Variants in TNRC6B observed in about 807,000 individuals in gnomAD.
TNRC6B encodes trinucleotide repeat-containing gene 6B protein.
In TNRC6B, 52 loss-of-function variants were observed where a neutral mutation model predicts 203.6. The ratio of observed to expected loss-of-function variants is 0.26; its 90% CI spans 0.20 to 0.32. The LOEUF is 0.32. Ranked by LOEUF, TNRC6B falls within the 10% of genes least tolerant of loss-of-function variation. The pLI is 1.00. For missense variants in TNRC6B, 1,923 were observed against 2,286.2 expected (o/e 0.84, Z 3.24); for synonymous variants, 838 against 845.7 (o/e 0.99, Z 0.16).
rs898592073 is a variant in TNRC6B, at chr22:40,150,236, G to A, written c.46-5879G>A. ...ACTAAAAAATACAAAAAATTAGCCA[G>A]GCGTGGTCGTGGGCGCCTGTAGTCC... On this transcript the variant is annotated intron_variant, in intron 3 of 23. Transcript: ENST00000301923. Among the ~76,000 whole-genome samples, 7 of 152,134 alleles carry A rather than the reference G, an allele frequency of 4.6e-5. No homozygotes were observed. The South Asian group carries it at 8.3e-4, about 18-fold the overall frequency.
At chr22:40,254,252 C>T (rs550129567) in intron 3 of TNRC6B, among the ~76,000 whole-genome samples, 1 of 152,248 alleles carries the variant, frequency 6.6e-6, no homozygotes, top group South Asian at 2.1e-4. Context: ...TTGATGTAAT[C>T]GTTCAGATTT....
Position 40,311,046 on chromosome 22 carries a change from G to A in TNRC6B, c.4435+53G>A, listed in dbSNP as rs941532449. On this transcript the variant is annotated intron_variant, in intron 17 of 22. Coordinates refer to ENST00000454349, the MANE Select transcript of TNRC6B (RefSeq NM_001162501.2). ...GATAGCATTTGTTTTGTAATTGTCA[G>A]TTTCAGGTTCAGAATACATTGCTTT... 2.5e-5 allele frequency: 38 copies of A among 1,540,400 alleles called. No homozygotes were observed. The Admixed American group carries it at 5.5e-4, about 22-fold the overall frequency.
At chr22:40,105,112 T>C (rs2068271851) in intron 1 of TNRC6B, among the ~76,000 whole-genome samples, 1 of 152,164 alleles carries the variant, frequency 6.6e-6, no homozygotes, top group Admixed American at 6.5e-5. Context: ...GGCAGACTAC[T>C]TGTGAGAAAA....
chr22:40,183,525 T>G (rs1182664594), intron 1 of TNRC6B, among the ~76,000 whole-genome samples: 6 of 152,184 alleles, frequency 3.9e-5, no homozygotes, highest in Non-Finnish European at 4.4e-5. Flanking sequence ...CTTGGCTGTT[T>G]TTCATACATT....
chr22:40,199,194 C>T lies in TNRC6B; in HGVS notation c.5+21054C>T, dbSNP rs143430525. ...TAAAAAAGAAAACTAAGAGTTCTCA[C>T]ACAGCTTCACCTACTTTGTAAGAAA... is the stretch of plus-strand genomic sequence containing the variant. On this transcript the variant is annotated intron_variant, in intron 1 of 22. Coordinates refer to ENST00000454349, the MANE Select transcript of TNRC6B (RefSeq NM_001162501.2). Among the ~76,000 whole-genome samples the T allele has an allele frequency of 2.6e-3, 395 of 152,270 alleles. 1 individual carries two copies. The highest frequency in any genetic ancestry group is 3.8e-3 in the Non-Finnish European group (255 of 67,996).
At chr22:40,097,669 T>TACACACACACACACACACACACACACAC (rs6147625) in intron 1 of TNRC6B, among the ~76,000 whole-genome samples, 3 of 135,554 alleles carry the variant, frequency 2.2e-5, no homozygotes, top group Non-Finnish European at 3.2e-5. Context: ...AGGTATATCA[T>TACACACACACACACACACACACACACAC]ACACACACAC....
chr22:40,147,434 GT>G (rs2068705414), intron 3 of TNRC6B, among the ~76,000 whole-genome samples: 1 of 152,146 alleles, frequency 6.6e-6, no homozygotes, highest in Non-Finnish European at 1.5e-5. Context: ...CACAGACTAG[GT>G]ACTTTATAAA....
intron 1 of TNRC6B, among the ~76,000 whole-genome samples, chr22:40,105,122 A>C (rs925993953): frequency 6.6e-6 from 1 of 152,250 alleles, no homozygotes; most frequent in Admixed American, 6.5e-5. Flanking sequence ...TTGTGAGAAA[A>C]GATGGGTGGT....
In TNRC6B at chr22:40,223,407, G is replaced by A. The variant is rs139450707; in HGVS notation, c.6-22608G>A. On this transcript the variant is annotated intron_variant, in intron 1 of 22. Transcript: ENST00000454349. ...GCCTGCCTTGACCTCCCAAAGTGCT[G>A]GGATTACAGGCGTGAGCCACTGTGC... is the stretch of plus-strand genomic sequence containing the variant. 2.0e-3 allele frequency among the ~76,000 whole-genome samples: 300 copies of A among 152,154 alleles called. 1 individual carries two copies. Among genetic ancestry groups the A allele is most frequent in the African/African-American group, 7.1e-3 (293 of 41,554 alleles).
rs1569073937 is a variant in TNRC6B, at chr22:40,328,431, T to G, written c.*5190T>G. 3 of 152,222 alleles carry G rather than the reference T, an allele frequency of 2.0e-5. No homozygotes were observed. Among genetic ancestry groups the G allele is most frequent in the Non-Finnish European group, 4.4e-5 (3 of 68,032 alleles). 9.4% of individuals were successfully genotyped at this position (152,222 alleles called of 1,614,324 possible). ...AAAAGAAAGGAAAAGATAAAACTCC[T>G]GCCTGAGAATTTGGAAGCACCTTTA... On this transcript the variant is annotated 3_prime_UTR_variant, in exon 23 of 23. Coordinates refer to ENST00000454349, the MANE Select transcript of TNRC6B (RefSeq NM_001162501.2).
At chr22:40,124,742 C>T (rs2146323423) in intron 2 of TNRC6B, among the ~76,000 whole-genome samples, 1 of 151,974 alleles carries the variant, frequency 6.6e-6, no homozygotes, top group South Asian at 2.1e-4. Context: ...GGGCCAGGAG[C>T]GGTGGCTCAC....
chr22:40,147,290 G>A (rs135629), intron 3 of TNRC6B, among the ~76,000 whole-genome samples: 16 of 152,150 alleles, frequency 1.1e-4, no homozygotes, highest in African/African-American at 3.6e-4. Context: ...GTTAGGGACT[G>A]GGGGGAGCAG....
chr22:40,214,050 G>A (rs992932359), intron 1 of TNRC6B, among the ~76,000 whole-genome samples: 1 of 152,108 alleles, frequency 6.6e-6, no homozygotes, highest in Non-Finnish European at 1.5e-5. Context: ...GGCGGATCAC[G>A]AGGTCAGGAG....
intron 1 of TNRC6B, among the ~76,000 whole-genome samples, chr22:40,227,113 T>G (rs906122958): frequency 2.1e-5 from 3 of 143,568 alleles, no homozygotes; most frequent in Non-Finnish European, 3.0e-5. Flanking sequence ...ATTATTATTA[T>G]TATTTGTATT....
At chr22:40,078,458 A>G (rs1451887094) in intron 1 of TNRC6B, among the ~76,000 whole-genome samples, 1 of 152,196 alleles carries the variant, frequency 6.6e-6, no homozygotes, top group Admixed American at 6.5e-5. Flanking sequence ...CAGGAAGTCA[A>G]GGTTGCAGTG....
In TNRC6B at chr22:40,265,080, T is replaced by C. The variant is rs2070454748; in HGVS notation, c.850T>C (p.Trp284Arg). 2 of 1,613,900 alleles carry C rather than the reference T, an allele frequency of 1.2e-6. No homozygotes were observed. The highest frequency in any genetic ancestry group is 1.7e-6 in the Non-Finnish European group (2 of 1,179,856). ...TTENNNGLGNWRNVSGQDRIG... is the reference protein window; with the variant it reads ...TTENNNGLGNRRNVSGQDRIG... The stretch of plus-strand genomic sequence containing the variant: ...AGAGAACAACAATGGACTAGGAAAT[T>C]GGAGGAATGTGAGTGGTCAGGATAG... Residue 284 changes from tryptophan to arginine, a missense_variant, in exon 5 of 23, where the codon TGG becomes CGG. Around this residue, in one of 8 missense-constraint regions of TNRC6B, gnomAD observed 614 missense variants for 587.7 expected, o/e 1.04. Transcript: ENST00000454349.
chr22:40,059,813 TG>T (rs964987647), intron 1 of TNRC6B, among the ~76,000 whole-genome samples: 16 of 146,748 alleles, frequency 1.1e-4, no homozygotes, highest in African/African-American at 4.3e-4. Flanking sequence ...TGATAGAGTT[TG>T]GTTTTTTTTT....
intron 1 of TNRC6B, among the ~76,000 whole-genome samples, chr22:40,219,070 C>A (rs1204998926): frequency 6.6e-6 from 1 of 152,210 alleles, no homozygotes; most frequent in Non-Finnish European, 1.5e-5. Flanking sequence ...AAGTTGCTGT[C>A]AAAGGCTGTT....
intron 1 of TNRC6B, among the ~76,000 whole-genome samples, chr22:40,099,775 G>A (rs1033294860): frequency 6.6e-6 from 1 of 152,056 alleles, no homozygotes; most frequent in Non-Finnish European, 1.5e-5. Flanking sequence ...TTTTGAAACG[G>A]AGTCTCGCTC....
Sources: gnomAD v4.1 joint callset for allele counts (sites outside exome capture counted in the v4.1 genomes callset) on GRCh38, gnomAD v4.1.1 for gene constraint, gnomAD v4.1.1 regional missense constraint, MANE v1.5 for transcripts, NCBI Gene and HGNC (gene_info 2026-07-23, HGNC 2026-07-21) for gene names.